RREB1: variants seen among roughly 807,000 people sequenced by gnomAD.
RREB1 encodes ras-responsive element-binding protein 1.
RREB1 carries 27 observed loss-of-function variants against 117.8 expected under a neutral mutation model. The observed-to-expected ratio is 0.23, with a 90% confidence interval of 0.17 to 0.32. The LOEUF is 0.32. RREB1 is among the 10% of genes least tolerant of loss of function. The pLI is 1.00. For synonymous variants in RREB1, 1,298 were observed against 1,026.7 expected, an observed-to-expected ratio of 1.26 and a Z score of -5.05; for missense variants, 2,577 against 2,378.2, an observed-to-expected ratio of 1.08 and a Z score of -1.74.
chr6:7,187,229 T>G (rs1765129267), intron 4 of RREB1, among the ~76,000 whole-genome samples: 1 of 152,224 alleles, frequency 6.6e-6, no homozygotes. Flanking sequence ...CATGGTATGG[T>G]AGGTGGTACT....
intron 1 of RREB1, among the ~76,000 whole-genome samples, chr6:7,133,547 C>T (rs535147585): frequency 7.6e-4 from 115 of 152,162 alleles, no homozygotes; most frequent in African/African-American, 2.7e-3. Context: ...CATTGTGAGA[C>T]TCCATCTCTA....
chr6:7,223,090 AC>A (rs1171384053), intron 8 of RREB1, among the ~76,000 whole-genome samples: 1 of 151,834 alleles, frequency 6.6e-6, no homozygotes, highest in Non-Finnish European at 1.5e-5. Context: ...CCATGTCTCT[AC>A]AAAAAATTTT....
chr6:7,146,216 G>A (rs1224213261), intron 1 of RREB1, among the ~76,000 whole-genome samples: 5 of 152,334 alleles, frequency 3.3e-5, no homozygotes, highest in African/African-American at 9.6e-5. Context: ...GGCAGCGGCT[G>A]TGGGCCTCAG....
intron 1 of RREB1, among the ~76,000 whole-genome samples, chr6:7,127,128 T>C (rs530978444): frequency 6.6e-6 from 1 of 150,996 alleles, no homozygotes; most frequent in South Asian, 2.1e-4. Context: ...GGCTTAGGCG[T>C]GTTGTATTGA....
At position 7,231,704 on chromosome 6, in the gene RREB1, A is replaced by G. The variant is rs1767991721; in HGVS notation, c.3605A>G (p.Asp1202Gly). The change falls in exon 10 of 13, where the codon GAC becomes GGC. Residue 1202 changes from aspartate (D) to glycine (G), a missense_variant. Transcript: ENST00000379938. ...AGTCCGTTTCTGCAGACAGCGGAGG[A>G]CAACACTCAGGATGAGGTGGCCGGA... ...KFSPFLQTAE[D>G]NTQDEVAGAP... 5.0e-6 allele frequency: 8 copies of G among 1,613,450 alleles called. No individual in the cohort carries two copies. Among genetic ancestry groups the G allele is most frequent in the Non-Finnish European group, 5.9e-6 (7 of 1,179,728 alleles).
chr6:7,246,560 G>T lies in RREB1; in HGVS notation c.4110G>T (p.Thr1370=), dbSNP rs556690696. ...VAGDAPVEQA[T]AETASPVHRE... ...GGGATGCGCCTGTGGAGCAGGCCAC[G>T]GCGGAAACGGCCTCGCCGGTGCACC... Residue 1370 remains threonine, a synonymous_variant, in exon 12 of 13, where the codon ACG becomes ACT. Transcript: ENST00000379938. The T allele has an allele frequency of 3.9e-5, 61 of 1,548,838 alleles. No homozygotes were observed. The South Asian group carries it at 5.2e-4, about 13-fold the overall frequency.
chr6:7,156,952 G>A (rs1763395724), intron 1 of RREB1, among the ~76,000 whole-genome samples: 2 of 152,160 alleles, frequency 1.3e-5, no homozygotes, highest in African/African-American at 4.8e-5. Flanking sequence ...ACCAAGAGCT[G>A]CCCCTCTGTT....
At chr6:7,227,317 C>T (rs896196589) in intron 9 of RREB1, among the ~76,000 whole-genome samples, 15 of 151,432 alleles carry the variant, frequency 9.9e-5, no homozygotes, top group East Asian at 9.8e-4. Flanking sequence ...CCAAGGCAGT[C>T]GGATCATGAG....
chr6:7,217,472 G>A (rs1431448780), intron 8 of RREB1: 1 of 152,200 alleles, frequency 6.6e-6, no homozygotes, highest in Non-Finnish European at 1.5e-5. Flanking sequence ...CAGCGTCCAG[G>A]CATTAAGGAT....
At chr6:7,225,478 C>T (rs73376321) in intron 8 of RREB1, among the ~76,000 whole-genome samples, 3,408 of 152,216 alleles carry the variant, frequency 0.022, 120 homozygotes, top group African/African-American at 0.077. Flanking sequence ...TTTATCCACC[C>T]ATCTGCACAC....
At chr6:7,198,949 A>G (rs919117872) in intron 6 of RREB1, among the ~76,000 whole-genome samples, 1 of 152,186 alleles carries the variant, frequency 6.6e-6, no homozygotes, top group Non-Finnish European at 1.5e-5. Context: ...GCGGATATTT[A>G]CAAATCTGTT....
chr6:7,192,420 C>T (rs985919064), intron 6 of RREB1, among the ~76,000 whole-genome samples: 4 of 151,824 alleles, frequency 2.6e-5, no homozygotes, highest in African/African-American at 4.8e-5. Flanking sequence ...CTTGAACTGC[C>T]GACCTCAAGT....
intron 1 of RREB1, among the ~76,000 whole-genome samples, chr6:7,133,122 G>A (rs1235725215): frequency 6.6e-6 from 1 of 152,150 alleles, no homozygotes; most frequent in African/African-American, 2.4e-5. Context: ...GCATTGCACT[G>A]GAAGGGGCCT....
chr6:7,194,051 T>C (rs1226327836), intron 6 of RREB1, among the ~76,000 whole-genome samples: 1 of 152,244 alleles, frequency 6.6e-6, no homozygotes, highest in Non-Finnish European at 1.5e-5. Context: ...GTCATCCCAG[T>C]AGCATATTCT....
intron 1 of RREB1, among the ~76,000 whole-genome samples, chr6:7,150,222 A>G (rs1411591919): frequency 3.3e-5 from 5 of 152,166 alleles, no homozygotes; most frequent in African/African-American, 9.7e-5. Flanking sequence ...TATTATATAC[A>G]TAAGTGTGGA....
intron 11 of RREB1, 69 bp from the exon 12 acceptor site, chr6:7,246,355 G>A: frequency 1.5e-6 from 2 of 1,373,804 alleles, no homozygotes; most frequent in Non-Finnish European, 9.5e-7. Context: ...CCCATTCCCG[G>A]CGACATCCCT....
chr6:7,165,663 G>A (rs990220133), intron 1 of RREB1, among the ~76,000 whole-genome samples: 1 of 152,192 alleles, frequency 6.6e-6, no homozygotes, highest in Non-Finnish European at 1.5e-5. Context: ...ATGGGGACTG[G>A]GTGGGCGTGT....
chr6:7,204,537 CA>C (rs201091604), intron 6 of RREB1, among the ~76,000 whole-genome samples: 1 of 151,778 alleles, frequency 6.6e-6, no homozygotes, highest in African/African-American at 2.4e-5. Flanking sequence ...CTTTGTTGGA[CA>C]AAAAAAAGCG....
At chr6:7,128,023 A>G (rs886306206) in intron 1 of RREB1, among the ~76,000 whole-genome samples, 11 of 152,158 alleles carry the variant, frequency 7.2e-5, no homozygotes, top group Admixed American at 2.0e-4. Flanking sequence ...GAGGCACAAC[A>G]TTGCCTTGTA....
Sources: gnomAD v4.1 joint callset for allele counts (sites outside exome capture counted in the v4.1 genomes callset) on GRCh38, gnomAD v4.1.1 for gene constraint, MANE v1.5 for transcripts, NCBI Gene and HGNC (gene_info 2026-07-23, HGNC 2026-07-21) for gene names.